The following SHANK2 variants were observed in gnomAD, a reference collection of about 807,000 sequenced individuals.
The protein encoded by SHANK2 is SH3 and multiple ankyrin repeat domains 2, also known as SH3 and multiple ankyrin repeat domains protein 2.
In SHANK2, 43 loss-of-function variants were observed where a neutral mutation model predicts 133.7. That is an observed-to-expected ratio of 0.32 (90% CI 0.25 to 0.41). The LOEUF (loss-of-function observed/expected upper bound fraction) is 0.41. SHANK2 is among the 10% of genes least tolerant of loss of function. The pLI, the probability that SHANK2 is intolerant of heterozygous loss-of-function variation, is 1.00. For synonymous variants in SHANK2, 1,017 were observed against 952.8 expected, an observed-to-expected ratio of 1.07 and a Z score of -1.24; for missense variants, 1,994 against 2,235.8, an observed-to-expected ratio of 0.89 and a Z score of 2.18.
chr11:70,552,552 T>C (rs1554978400), intron 17 of SHANK2, among the ~76,000 whole-genome samples: 1 of 152,226 alleles, frequency 6.6e-6, no homozygotes, highest in Non-Finnish European at 1.5e-5. Context: ...CAGGCATTCG[T>C]CTATGAAGCG....
At chr11:70,801,334 C>G (rs1252556001) in intron 13 of SHANK2, among the ~76,000 whole-genome samples, 2 of 152,174 alleles carry the variant, frequency 1.3e-5, no homozygotes, top group Non-Finnish European at 2.9e-5. Context: ...ACACGGGGAG[C>G]CTTCATGTCA....
At chr11:70,795,432 G>T (rs1947890087) in intron 14 of SHANK2, among the ~76,000 whole-genome samples, 1 of 128,456 alleles carries the variant, frequency 7.8e-6, no homozygotes, top group African/African-American at 2.9e-5. Flanking sequence ...TTGAGATGGA[G>T]TCTTGCTATG....
intron 17 of SHANK2, among the ~76,000 whole-genome samples, chr11:70,546,851 T>G (rs1454215827): frequency 2.6e-5 from 4 of 152,238 alleles, no homozygotes; most frequent in African/African-American, 9.6e-5. Context: ...CATCCTGCCT[T>G]GGCCAGCTCT....
In SHANK2 at chr11:70,573,557, G is replaced by GGT. The variant is rs1554983582; in HGVS notation, c.2062-70627_2062-70626insAC. Among the ~76,000 whole-genome samples, 440 of 132,098 alleles carry GGT rather than the reference G, an allele frequency of 3.3e-3. 3 individuals are homozygous for GGT. The highest frequency in any genetic ancestry group is 0.015 in the East Asian group (63 of 4,096). The allele number at this position is 132,098 out of a possible 152,430, so 86.7% of individuals were successfully genotyped here. A position where few individuals can be genotyped will look rare whatever the true frequency, so the allele number is the denominator to read the frequency against. On this transcript the variant is annotated intron_variant, in intron 17 of 25. Transcript: ENST00000601538. Reference sequence around the variant, plus strand: ...GTCTGTGTGTGTGGGGGCGGGGGGGGGGTGGGGCATGGCATTTGATATAAA... The same window carrying GGT: ...GTCTGTGTGTGTGGGGGCGGGGGGGGGTGGTGGGGCATGGCATTTGATATAAA...
intron 17 of SHANK2, among the ~76,000 whole-genome samples, chr11:70,533,511 CG>C (rs1263080254): frequency 6.6e-6 from 1 of 152,178 alleles, no homozygotes; most frequent in Non-Finnish European, 1.5e-5. Context: ...AATCACAACC[CG>C]GGGGCCCATG....
intron 15 of SHANK2, among the ~76,000 whole-genome samples, chr11:70,664,972 A>G (rs1197938791): frequency 6.6e-6 from 1 of 152,136 alleles, no homozygotes; most frequent in Non-Finnish European, 1.5e-5. Flanking sequence ...CATGCCTCAG[A>G]ACCAGCCCAG....
intron 17 of SHANK2, among the ~76,000 whole-genome samples, chr11:70,550,367 C>T (rs2059748927): frequency 6.6e-6 from 1 of 152,232 alleles, no homozygotes; most frequent in African/African-American, 2.4e-5. Context: ...CGCCACCCCT[C>T]CCCTGCTGGA....
chr11:71,077,393 C>G (rs1414837667), intron 8 of SHANK2, among the ~76,000 whole-genome samples: 1 of 152,222 alleles, frequency 6.6e-6, no homozygotes, highest in Non-Finnish European at 1.5e-5. Flanking sequence ...TCTTCCCTTG[C>G]AAGGGCAAAA....
intron 17 of SHANK2, among the ~76,000 whole-genome samples, chr11:70,539,940 G>A (rs1452654686): frequency 6.6e-6 from 1 of 152,260 alleles, no homozygotes; most frequent in Non-Finnish European, 1.5e-5. Flanking sequence ...TGGCTGGCAA[G>A]CCTTGGTGTC....
At chr11:71,215,652 C>T (rs1954396621) in intron 2 of SHANK2, among the ~76,000 whole-genome samples, 1 of 152,212 alleles carries the variant, frequency 6.6e-6, no homozygotes, top group South Asian at 2.1e-4. Flanking sequence ...CACAGTGGCT[C>T]CCACTCAGGG....
intron 17 of SHANK2, among the ~76,000 whole-genome samples, chr11:70,591,560 A>T (rs1251218473): frequency 2.0e-5 from 3 of 151,630 alleles, no homozygotes; most frequent in African/African-American, 7.3e-5. Flanking sequence ...GAAAAAGAAA[A>T]AAAAAGCAAC....
At chr11:70,662,039 C>A (rs1225170727) in intron 15 of SHANK2, 2 of 511,648 alleles carry the variant, frequency 3.9e-6, no homozygotes, top group Non-Finnish European at 7.1e-6. Flanking sequence ...GTGGCCCGAA[C>A]GGCGGCGGCG....
chr11:71,113,029 G>C (rs1369423861), intron 5 of SHANK2, among the ~76,000 whole-genome samples: 2 of 152,110 alleles, frequency 1.3e-5, no homozygotes, highest in African/African-American at 2.4e-5. Context: ...TGCCGCTTTT[G>C]ACCCTCCCTG....
intron 11 of SHANK2, among the ~76,000 whole-genome samples, chr11:70,846,088 C>G (rs1035997507): frequency 6.6e-6 from 1 of 152,130 alleles, no homozygotes; most frequent in Non-Finnish European, 1.5e-5. Context: ...GAAAAGCGAA[C>G]TGGAGAGTCT....
At chr11:71,242,529 C>T (rs1295343415) in intron 1 of SHANK2, among the ~76,000 whole-genome samples, 3 of 152,218 alleles carry the variant, frequency 2.0e-5, no homozygotes, top group Non-Finnish European at 4.4e-5. Context: ...CTCAATGCAG[C>T]TCACCCCGAC....
chr11:71,168,830 G>A (rs141836485), intron 2 of SHANK2, among the ~76,000 whole-genome samples: 7 of 151,868 alleles, frequency 4.6e-5, no homozygotes, highest in South Asian at 2.1e-4. Flanking sequence ...AGAGGGAGAG[G>A]GCCCACACTT....
chr11:71,242,689 T>C (rs1445594976), intron 1 of SHANK2, among the ~76,000 whole-genome samples: 1 of 152,222 alleles, frequency 6.6e-6, no homozygotes, highest in African/African-American at 2.4e-5. Flanking sequence ...GGCAGAAATA[T>C]TTGTCTGTCT....
intron 17 of SHANK2, among the ~76,000 whole-genome samples, chr11:70,510,932 G>A (rs1357507133): frequency 2.6e-5 from 4 of 152,340 alleles, no homozygotes; most frequent in South Asian, 2.1e-4. Flanking sequence ...AAGAGGCTGC[G>A]CCAACCTCCC....
chr11:70,764,104 A>ATCCATCCATCCT (rs1947058817), intron 14 of SHANK2, among the ~76,000 whole-genome samples: 2 of 106,346 alleles, frequency 1.9e-5, no homozygotes, highest in Non-Finnish European at 3.9e-5. Context: ...CCATCCACCC[A>ATCCATCCATCCT]CCCACCCACC....
Sources: allele counts gnomAD v4.1 joint callset (sites outside exome capture counted in the v4.1 genomes callset), GRCh38; gene constraint gnomAD v4.1.1; transcripts MANE v1.5; gene names NCBI Gene and HGNC (gene_info 2026-07-23, HGNC 2026-07-21).